FAM149B1: variants seen among roughly 807,000 people sequenced by gnomAD.
FAM149B1 encodes the protein primary cilium assembly protein FAM149B1.
Under a neutral mutation model 75.3 loss-of-function variants are expected in FAM149B1, and 56 were observed. The ratio of observed to expected loss-of-function variants is 0.74; its 90% CI spans 0.60 to 0.93. The LOEUF (loss-of-function observed/expected upper bound fraction) is 0.93. Among genes scored for constraint, FAM149B1 ranks in the 40% least tolerant of loss-of-function variants. The pLI, the probability that FAM149B1 is intolerant of heterozygous loss-of-function variation, is 0.00. For synonymous variants in FAM149B1, 259 were observed against 256.1 expected (o/e 1.01, Z -0.11); for missense variants, 639 against 708.4 (o/e 0.90, Z 1.11).
intron 8 of FAM149B1, among the ~76,000 whole-genome samples, chr10:73,229,852 A>G (rs1302320812): frequency 6.6e-6 from 1 of 152,180 alleles, no homozygotes; most frequent in Non-Finnish European, 1.5e-5. Context: ...ATGACCTGAG[A>G]AAACAAGCAG....
chr10:73,236,447 T>C (rs1284841829), intron 12 of FAM149B1, among the ~76,000 whole-genome samples: 1 of 146,362 alleles, frequency 6.8e-6, no homozygotes, highest in Non-Finnish European at 1.5e-5. Context: ...GGAGTCTCGC[T>C]CTGTCACCTA....
Position 73,243,928 on chromosome 10 carries a change from G to A in FAM149B1, c.*2909G>A. The A allele has an allele frequency of 3.7e-6, 6 of 1,613,774 alleles. No homozygotes were observed. Among genetic ancestry groups the A allele is most frequent in the Non-Finnish European group, 5.1e-6 (6 of 1,179,888 alleles). On this transcript the variant is annotated 3_prime_UTR_variant, in exon 14 of 14. Transcript: ENST00000242505. ...TTCTGCTTCTTTGGCCTCTTCCTGAGCCTGAAACAGGAACTCACATGAGAC... is the reference window on the plus strand; with the variant it reads ...TTCTGCTTCTTTGGCCTCTTCCTGAACCTGAAACAGGAACTCACATGAGAC...
chr10:73,239,459 A>C, intron 13 of FAM149B1, 75 bp downstream of exon 13: 1 of 1,046,770 alleles, frequency 9.6e-7, no homozygotes, highest in Non-Finnish European at 1.4e-6. Flanking sequence ...TTTTTCCTAC[A>C]CCTATTTCCC....
chr10:73,177,622 A>G (rs1844028163), intron 2 of FAM149B1, among the ~76,000 whole-genome samples: 1 of 152,170 alleles, frequency 6.6e-6, no homozygotes, highest in African/African-American at 2.4e-5. Flanking sequence ...TATTCATTGT[A>G]AACTATGACT....
intron 7 of FAM149B1, among the ~76,000 whole-genome samples, chr10:73,226,652 A>G (rs1039722528): frequency 6.6e-6 from 1 of 152,240 alleles, no homozygotes; most frequent in African/African-American, 2.4e-5. Context: ...TATCTATTTC[A>G]TAGTATTGTT....
At position 73,244,267 on chromosome 10, in the gene FAM149B1, G is replaced by A. The variant is rs1049352789; in HGVS notation, c.*3248G>A. On this transcript the variant is annotated 3_prime_UTR_variant, in exon 14 of 14. Coordinates refer to ENST00000242505, the MANE Select transcript of FAM149B1 (RefSeq NM_173348.2). Reference sequence around the variant, plus strand: ...TCCCCATACCTTGGGAGGCCAAGGTGGGAGGATCACTTGAACTCAGGAGTT... The same window carrying A: ...TCCCCATACCTTGGGAGGCCAAGGTAGGAGGATCACTTGAACTCAGGAGTT... The A allele has an allele frequency of 4.5e-6, 1 of 223,404 alleles. No homozygotes were observed. The highest frequency in any genetic ancestry group is 8.8e-6 in the Non-Finnish European group (1 of 113,420). The allele number at this position is 223,404 out of a possible 1,614,324, so 13.8% of individuals were successfully genotyped here. A position where few individuals can be genotyped will look rare whatever the true frequency, so the allele number is the denominator to read the frequency against.
chr10:73,233,483 C>T (rs546791453), intron 10 of FAM149B1, among the ~76,000 whole-genome samples: 22 of 152,154 alleles, frequency 1.4e-4, no homozygotes, highest in Non-Finnish European at 2.9e-4. Context: ...GGACCACAGG[C>T]GGGTGGTGCC....
intron 13 of FAM149B1, 66 bp from the exon 14 acceptor site, chr10:73,240,880 C>A: frequency 1.1e-6 from 1 of 945,348 alleles, no homozygotes. Flanking sequence ...AAGCCCTTAG[C>A]TATAAACTTG....
chr10:73,229,295 A>G (rs1194574050), intron 8 of FAM149B1, among the ~76,000 whole-genome samples: 3 of 152,180 alleles, frequency 2.0e-5, no homozygotes, highest in Non-Finnish European at 4.4e-5. Context: ...GCCAGATGTT[A>G]TACAGCTGGA....
At chr10:73,194,915 C>T (rs553084501) in intron 5 of FAM149B1, among the ~76,000 whole-genome samples, 1 of 152,092 alleles carries the variant, frequency 6.6e-6, no homozygotes, top group Admixed American at 6.5e-5. Flanking sequence ...AACTCCTGAC[C>T]TCAGGTGATC....
chr10:73,233,669 G>A (rs1005360943), intron 10 of FAM149B1, among the ~76,000 whole-genome samples: 1 of 152,182 alleles, frequency 6.6e-6, no homozygotes, highest in African/African-American at 2.4e-5. Flanking sequence ...TAATGAAATA[G>A]ATATTGAATC....
Position 73,244,132 on chromosome 10 carries a change from T to C in FAM149B1, c.*3113T>C, listed in dbSNP as rs555669223. ...TAGATCCTCTGATTCCAATTACCATTTGTTTTTTACCCAATTCTATTTGCT... is the reference window on the plus strand; with the variant it reads ...TAGATCCTCTGATTCCAATTACCATCTGTTTTTTACCCAATTCTATTTGCT... On this transcript the variant is annotated 3_prime_UTR_variant, in exon 14 of 14. Transcript: ENST00000242505. 3.5e-6 allele frequency: 2 copies of C among 564,430 alleles called. No homozygotes were observed. Among genetic ancestry groups the C allele is most frequent in the African/African-American group, 3.9e-5 (2 of 51,680 alleles). 35.0% of individuals were successfully genotyped at this position (564,430 alleles called of 1,614,324 possible).
At chr10:73,225,515 G>T (rs549617907) in intron 7 of FAM149B1, among the ~76,000 whole-genome samples, 77 of 152,280 alleles carry the variant, frequency 5.1e-4, no homozygotes, top group Non-Finnish European at 9.3e-4. Context: ...TTGTACAGTT[G>T]TACAGTGTTT....
At chr10:73,190,397 G>A (rs1403173241) in intron 3 of FAM149B1, among the ~76,000 whole-genome samples, 5 of 151,642 alleles carry the variant, frequency 3.3e-5, no homozygotes, top group Admixed American at 6.6e-5. Flanking sequence ...TCAAACTCTC[G>A]GGCTCAAGCA....
chr10:73,183,036 G>C (rs1478093832), intron 3 of FAM149B1, among the ~76,000 whole-genome samples: 3 of 152,088 alleles, frequency 2.0e-5, no homozygotes, highest in Non-Finnish European at 2.9e-5. Context: ...TCCCTGCCTG[G>C]GGACAATTTT....
chr10:73,221,885 GTTCA>G (rs1222884991), intron 7 of FAM149B1, among the ~76,000 whole-genome samples: 1 of 151,930 alleles, frequency 6.6e-6, no homozygotes, highest in Admixed American at 6.6e-5. Flanking sequence ...TGCCATCAGT[GTTCA>G]TTATCTTTTC....
intron 5 of FAM149B1, among the ~76,000 whole-genome samples, chr10:73,205,834 G>C (rs538823795): frequency 1.2e-4 from 19 of 152,208 alleles, no homozygotes; most frequent in Non-Finnish European, 1.8e-4. Flanking sequence ...TTATAGGTGT[G>C]AGCCACCGCA....
intron 1 of FAM149B1, among the ~76,000 whole-genome samples, chr10:73,173,773 G>T (rs897743257): frequency 1.3e-5 from 2 of 151,790 alleles, no homozygotes; most frequent in African/African-American, 4.8e-5. Context: ...AAATTTTTTC[G>T]ATATTTCTAG....
At chr10:73,200,966 C>T in intron 5 of FAM149B1, 1 of 431,890 alleles carries the variant, frequency 2.3e-6, no homozygotes, top group South Asian at 2.0e-5. Flanking sequence ...GAATTCTGAT[C>T]AGGGTCAAGC....
Sources: gnomAD v4.1 joint callset for allele counts (sites outside exome capture counted in the v4.1 genomes callset) on GRCh38, gnomAD v4.1.1 for gene constraint, MANE v1.5 for transcripts, NCBI Gene and HGNC (gene_info 2026-07-23, HGNC 2026-07-21) for gene names.